Variants in RAD51B observed in about 807,000 individuals in gnomAD.
RAD51B encodes RAD51 paralog B.
Under a neutral mutation model 42.2 loss-of-function variants are expected in RAD51B, and 38 were observed. That is an observed-to-expected ratio of 0.90 (90% CI 0.70 to 1.18). The LOEUF (loss-of-function observed/expected upper bound fraction) is 1.18. Ranked by LOEUF, RAD51B falls within the 50% of genes most tolerant of loss-of-function variation. The probability of loss-of-function intolerance (pLI) is 0.00; values close to 1 mark genes in which losing one functional copy is unlikely to be tolerated. For synonymous variants in RAD51B, 154 were observed against 145.2 expected (o/e 1.06, Z -0.43); for missense variants, 373 against 400.7 (o/e 0.93, Z 0.59).
chr14:68,186,736 G>A (rs1192343358), intron 7 of RAD51B, among the ~76,000 whole-genome samples: 1 of 152,188 alleles, frequency 6.6e-6, no homozygotes, highest in Non-Finnish European at 1.5e-5. Flanking sequence ...AGACTGCAGA[G>A]AAAAGGAATG....
At chr14:68,364,571 A>G (rs976685495) in intron 8 of RAD51B, among the ~76,000 whole-genome samples, 2 of 152,024 alleles carry the variant, frequency 1.3e-5, no homozygotes, top group African/African-American at 4.8e-5. Flanking sequence ...GCAGTGACAC[A>G]TACTGCAGTG....
chr14:67,852,835 G>A (rs375305042), intron 4 of RAD51B, among the ~76,000 whole-genome samples: 1 of 152,130 alleles, frequency 6.6e-6, no homozygotes, highest in African/African-American at 2.4e-5. Flanking sequence ...TGTTGTAGTA[G>A]GCAGAATTTC....
chr14:68,052,411 C>G (rs2076407294), intron 7 of RAD51B, among the ~76,000 whole-genome samples: 1 of 151,278 alleles, frequency 6.6e-6, no homozygotes, highest in Non-Finnish European at 1.5e-5. Flanking sequence ...AGGAAACTTA[C>G]CCGTAAGAGC....
intron 4 of RAD51B, among the ~76,000 whole-genome samples, chr14:67,860,363 C>T (rs2042125708): frequency 6.6e-6 from 1 of 152,060 alleles, no homozygotes; most frequent in African/African-American, 2.4e-5. Flanking sequence ...AAGATATATT[C>T]TTGAAAATAA....
At chr14:68,496,653 G>T (rs1010409387) in intron 10 of RAD51B, among the ~76,000 whole-genome samples, 1 of 152,234 alleles carries the variant, frequency 6.6e-6, no homozygotes, top group Non-Finnish European at 1.5e-5. Context: ...CCAGTGGCCT[G>T]GCCTATTGCC....
chr14:68,655,839 T>C (rs1345202685), intron 11 of RAD51B, among the ~76,000 whole-genome samples: 1 of 152,230 alleles, frequency 6.6e-6, no homozygotes, highest in Non-Finnish European at 1.5e-5. Flanking sequence ...TTCTCTCTGT[T>C]GCTAGTGGCT....
rs115273125 is a variant in RAD51B at position 68,121,308 on chromosome 14, A to G, written c.757-170576A>G. 2.9e-3 allele frequency among the ~76,000 whole-genome samples: 444 copies of G among 152,340 alleles called. 2 individuals carry two copies. The highest frequency in any genetic ancestry group is 0.01 in the African/African-American group (420 of 41,576). On this transcript the variant is annotated intron_variant, in intron 7 of 10. Transcript: ENST00000471583. ...GAAGAACCTGAAAGCCAGAGCATTT[A>G]TGAAACTTTTCCAATTATTCCAGGC...
chr14:67,872,463 T>G (rs1459925922), intron 5 of RAD51B, among the ~76,000 whole-genome samples: 3 of 147,424 alleles, frequency 2.0e-5, no homozygotes, highest in Non-Finnish European at 4.5e-5. Flanking sequence ...GGAAGAACAT[T>G]CCATGCTCAC....
chr14:67,831,095 GAACTCGTGACCTCAGGTGATCC>G (rs1179126042), intron 3 of RAD51B, among the ~76,000 whole-genome samples: 1 of 151,648 alleles, frequency 6.6e-6, no homozygotes, highest in East Asian at 1.9e-4. Context: ...GGCTGGTCTC[GAACTCGTGACCTCAGGTGATCC>G]ACCTGCCTCA....
chr14:68,043,629 C>A (rs1391865385), intron 7 of RAD51B, among the ~76,000 whole-genome samples: 1 of 152,206 alleles, frequency 6.6e-6, no homozygotes, highest in Admixed American at 6.5e-5. Flanking sequence ...AACCAGACTA[C>A]TTCCCTGGCT....
At chr14:68,219,146 A>T (rs1236328651) in intron 7 of RAD51B, among the ~76,000 whole-genome samples, 2 of 152,262 alleles carry the variant, frequency 1.3e-5, no homozygotes, top group Non-Finnish European at 2.9e-5. Context: ...AATCTTGCGT[A>T]TCAGAGCTTC....
chr14:68,641,900 A>G (rs1892470470), intron 10 of RAD51B, among the ~76,000 whole-genome samples: 1 of 150,578 alleles, frequency 6.6e-6, no homozygotes, highest in Admixed American at 6.6e-5. Flanking sequence ...GTGATGGATT[A>G]CATTAACTGA....
At chr14:68,377,000 A>T (rs1255948062) in intron 8 of RAD51B, among the ~76,000 whole-genome samples, 1 of 152,200 alleles carries the variant, frequency 6.6e-6, no homozygotes, top group Non-Finnish European at 1.5e-5. Context: ...AAGTCTGGGA[A>T]TGTAGATAGT....
At chr14:67,887,499 T>C (rs1007038655) in intron 7 of RAD51B, 1 of 228,022 alleles carries the variant, frequency 4.4e-6, no homozygotes, top group African/African-American at 2.3e-5. Context: ...TCTTTGTGTG[T>C]GCTTTGTATC....
At chr14:68,470,829 C>T (rs2086105527) in intron 10 of RAD51B, 1 of 395,278 alleles carries the variant, frequency 2.5e-6, no homozygotes, top group Non-Finnish European at 4.7e-6. Context: ...CTCTAACAGC[C>T]TTGTCACATC....
At chr14:68,019,326 CAAG>C (rs1376854730) in intron 7 of RAD51B, among the ~76,000 whole-genome samples, 1 of 152,138 alleles carries the variant, frequency 6.6e-6, no homozygotes, top group Non-Finnish European at 1.5e-5. Flanking sequence ...TGAATTCAAA[CAAG>C]AAGGTCAATA....
At chr14:68,131,586 C>T (rs924571466) in intron 7 of RAD51B, among the ~76,000 whole-genome samples, 15 of 152,110 alleles carry the variant, frequency 9.9e-5, no homozygotes, top group Admixed American at 3.9e-4. Context: ...ATCCCAGCCA[C>T]TTGGGAGGCT....
chr14:68,078,299 C>T (rs1027771469), intron 7 of RAD51B, among the ~76,000 whole-genome samples: 6 of 152,190 alleles, frequency 3.9e-5, no homozygotes, highest in Non-Finnish European at 8.8e-5. Flanking sequence ...CAGGTATGCA[C>T]CACTGTGCCT....
At chr14:68,322,569 G>A (rs1345453939) in intron 8 of RAD51B, among the ~76,000 whole-genome samples, 2 of 152,158 alleles carry the variant, frequency 1.3e-5, no homozygotes, top group African/African-American at 4.8e-5. Flanking sequence ...TCATTCCCAT[G>A]CCTTGTGCAT....
Sources: allele counts gnomAD v4.1 joint callset (sites outside exome capture counted in the v4.1 genomes callset), GRCh38; gene constraint gnomAD v4.1.1; transcripts MANE v1.5; gene names NCBI Gene and HGNC (gene_info 2026-07-23, HGNC 2026-07-21).